Variants in GAS2L2 observed in about 807,000 individuals in gnomAD.
The protein encoded by GAS2L2 is growth arrest specific 2 like 2.
GAS2L2 carries 21 observed loss-of-function variants against 35.2 expected under a neutral mutation model. The ratio of observed to expected loss-of-function variants is 0.60; its 90% CI spans 0.42 to 0.86. The LOEUF is 0.86. Among genes scored for constraint, GAS2L2 ranks in the 40% least tolerant of loss-of-function variants. The pLI is 0.00. For synonymous variants in GAS2L2, 490 were observed against 473.2 expected (o/e 1.04, Z -0.46); for missense variants, 1,169 against 1,144.4 (o/e 1.02, Z -0.31).
chr17:35,750,148 G>C lies in GAS2L2; in HGVS notation c.556C>G (p.Pro186Ala). Residue 186 changes from proline (P) to alanine (A), a missense_variant, in exon 2 of 6, where the codon CCC becomes GCC. Transcript: ENST00000604641. ...EEEVRRELALPPPDPSPPAPP... is the reference protein window; with the variant it reads ...EEEVRRELALAPPDPSPPAPP... ...GCTGGCGGCGAGGGGTCGGGCGGGG[G>C]CAGGGCCAGCTCCCGCCGCACCTCC... 1.2e-6 allele frequency: 2 copies of C among 1,609,414 alleles called. No individual in the cohort carries two copies. Among genetic ancestry groups the C allele is most frequent in the Non-Finnish European group, 1.7e-6 (2 of 1,178,168 alleles).
At position 35,750,262 on chromosome 17, in the gene GAS2L2, C is replaced by T; in HGVS notation, c.442G>A (p.Val148Met). The T allele has an allele frequency of 1.9e-6, 3 of 1,614,074 alleles. No homozygotes were observed. Among genetic ancestry groups the T allele is most frequent in the Non-Finnish European group, 2.5e-6 (3 of 1,179,970 alleles). Residue 148 changes from valine (V) to methionine (M), a missense_variant, in exon 2 of 6, where the codon GTG becomes ATG. Coordinates refer to ENST00000604641, the MANE Select transcript of GAS2L2 (RefSeq NM_139285.4). Reference sequence around the variant, plus strand: ...CGGCCCAGCTCCAGCAAACACAGCACCACGTTCTTCACGTTCTTGCGCAGC... The same window carrying T: ...CGGCCCAGCTCCAGCAAACACAGCATCACGTTCTTCACGTTCTTGCGCAGC... ...LVLRKNVKNV[V>M]LCLLELGRRA...
chr17:35,745,889 G>A lies in GAS2L2; in HGVS notation c.1608C>T (p.Ile536=). The change falls in exon 6 of 6, where the codon ATC becomes ATT. Residue 536 remains isoleucine, a synonymous_variant. Transcript: ENST00000604641. The stretch of plus-strand genomic sequence containing the variant: ...GGTCCACAGTGACGGCCCTTAGTGG[G>A]ATGGGGTCTCTCCCAAGTTCTGTCC... ...SPRTELGRDP[I]PLRAVTVDLA... The A allele has an allele frequency of 1.2e-6, 2 of 1,613,444 alleles. No individual in the cohort carries two copies. The highest frequency in any genetic ancestry group is 8.5e-7 in the Non-Finnish European group (1 of 1,180,018).
Position 35,747,143 on chromosome 17 carries a change from G to C in GAS2L2, c.958C>G (p.Pro320Ala), listed in dbSNP as rs587725999. 53 of 1,613,974 alleles carry C rather than the reference G, an allele frequency of 3.3e-5. No homozygotes were observed. The South Asian group carries it at 3.5e-4, about 11-fold the overall frequency. ...TISRSQSPPPPVDWKTYTSSD... is the reference protein window; with the variant it reads ...TISRSQSPPPAVDWKTYTSSD... ...GAGGTATATGTCTTCCAGTCCACAG[G>C]GGGTGGTGGGCTCTGTGAGCGGCTG... is the stretch of plus-strand genomic sequence containing the variant. The change falls in exon 5 of 6, where the codon CCT becomes GCT. Residue 320 changes from proline to alanine, a missense_variant. Transcript: ENST00000604641.
intron 1 of GAS2L2, 34 bp downstream of exon 1, chr17:35,752,432 A>T: frequency 6.5e-7 from 1 of 1,535,310 alleles, no homozygotes; most frequent in Non-Finnish European, 8.8e-7. Flanking sequence ...CAAGATAAGC[A>T]TCTGGAATGG....
intron 3 of GAS2L2, among the ~76,000 whole-genome samples, chr17:35,748,818 G>A (rs1374446447): frequency 6.6e-6 from 1 of 152,214 alleles, no homozygotes; most frequent in Non-Finnish European, 1.5e-5. Flanking sequence ...AGGAGAGGGA[G>A]GGTGGTGGCT....
chr17:35,749,298 C>T, intron 2 of GAS2L2, 81 bp from the exon 3 acceptor site: 1 of 828,370 alleles, frequency 1.2e-6, no homozygotes, highest in South Asian at 1.5e-5. Flanking sequence ...CCCAGGTCAC[C>T]CCTGAGGTTT....
Position 35,744,959 on chromosome 17 carries a change from T to C in GAS2L2, c.2538A>G (p.Lys846=), listed in dbSNP as rs782330728. 6.8e-6 allele frequency: 11 copies of C among 1,613,974 alleles called. No individual in the cohort carries two copies. In the South Asian group the frequency reaches 1.2e-4, roughly 18 times the overall value. Residue 846 remains lysine (K), a synonymous_variant, in exon 6 of 6, where the codon AAA becomes AAG. Coordinates refer to ENST00000604641, the MANE Select transcript of GAS2L2 (RefSeq NM_139285.4). The stretch of plus-strand genomic sequence containing the variant: ...TGCTCTCCAATGGAGCGGCTGGCTC[T>C]TTCTCCTCCTTTCCTTCCTCCTCCT... ...GEEEEEGKEE[K]EPAAPLESSP... is the part of the protein sequence containing the mutation.
chr17:35,750,967 A>G (rs587699940), intron 1 of GAS2L2, among the ~76,000 whole-genome samples: 1 of 151,924 alleles, frequency 6.6e-6, no homozygotes, highest in East Asian at 2.0e-4. Flanking sequence ...TGTCCGGCAC[A>G]TGCAAGCATT....
Position 35,746,280 on chromosome 17 carries a change from C to A in GAS2L2, c.1217G>T (p.Arg406Ile), listed in dbSNP as rs781966545. 1 of 1,439,324 alleles carries A rather than the reference C, an allele frequency of 6.9e-7. No homozygotes were observed. Among genetic ancestry groups the A allele is most frequent in the South Asian group, 1.9e-5 (1 of 52,986 alleles). The allele number at this position is 1,439,324 out of a possible 1,614,324, so 89.2% of individuals were successfully genotyped here. ...TCCCCTGGGGAGTTCAGGGGGGTAT[C>A]TCTCCTCCCTCTTTCCTGACGAGGT... is the stretch of plus-strand genomic sequence containing the variant. ...QCTSSGKREE[R>I]YPPELPRGRI... is the part of the protein sequence containing the mutation. The change falls in exon 6 of 6, where the codon AGA becomes ATA. Residue 406 changes from arginine (R) to isoleucine (I), a missense_variant. By Grantham distance (97) the Arg-to-Ile change is moderately conservative. This residue lies in a region of GAS2L2 where 1,035 missense variants were observed against 976.5 expected (regional missense o/e 1.06). Coordinates refer to ENST00000604641, the MANE Select transcript of GAS2L2 (RefSeq NM_139285.4).
Position 35,745,207 on chromosome 17 carries a change from TCC to T in GAS2L2, c.2288_2289del (p.Arg763GlnfsTer26), listed in dbSNP as rs2085656873. On this transcript the variant is annotated frameshift_variant, in exon 6 of 6. Coordinates refer to ENST00000604641, the MANE Select transcript of GAS2L2 (RefSeq NM_139285.4). LOFTEE classifies it low-confidence loss of function (END_TRUNC). ...TAGATGGACGGGACCCTCTTGGGCT[TCC>T]GGAGAGTTCTCCTGCCCTTGCTCAG... Reference protein sequence around the residue: ...ACLSKGRRTLRKPKRVPSIYK... With the variant: ...ACLSKGRRTLXKPKRVPSIYK... 8 of 1,607,762 alleles carry T rather than the reference TCC, an allele frequency of 5.0e-6. No individual in the cohort carries two copies. The highest frequency in any genetic ancestry group is 6.8e-6 in the Non-Finnish European group (8 of 1,175,590).
intron 2 of GAS2L2, among the ~76,000 whole-genome samples, chr17:35,749,662 G>A (rs77275977): frequency 0.057 from 8,644 of 152,248 alleles, 306 homozygotes; most frequent in South Asian, 0.16. Flanking sequence ...TAGAAGGTAG[G>A]TGCTGTTACT....
chr17:35,746,911 T>C, intron 5 of GAS2L2, 105 bp downstream of exon 5: 1 of 1,197,172 alleles, frequency 8.4e-7, no homozygotes, highest in Non-Finnish European at 1.1e-6. Flanking sequence ...GGTCTCGGGG[T>C]AGAGGCACTG....
At position 35,752,744 on chromosome 17, in the gene GAS2L2, T is replaced by C. The variant is rs781837401; in HGVS notation, c.107A>G (p.Glu36Gly). The C allele has an allele frequency of 3.1e-6, 5 of 1,613,970 alleles. No homozygotes were observed. Among genetic ancestry groups the C allele is most frequent in the Non-Finnish European group, 4.2e-6 (5 of 1,180,038 alleles). The stretch of plus-strand genomic sequence containing the variant: ...GTCGCGAAGCCACTCAGCCAGGTCT[T>C]CCTTCATGGCCTCCAGGTACTGCTC... ...SSEQYLEAMK[E>G]DLAEWLRDLY... Residue 36 changes from glutamate to glycine, a missense_variant, in exon 1 of 6, where the codon GAA becomes GGA. Around this residue, in one of 3 missense-constraint regions of GAS2L2, gnomAD observed 127 missense variants for 146.1 expected, o/e 0.87. Transcript: ENST00000604641.
chr17:35,746,070 T>C lies in GAS2L2; in HGVS notation c.1427A>G (p.Asp476Gly). The change falls in exon 6 of 6, where the codon GAT becomes GGT. Residue 476 changes from aspartate to glycine, a missense_variant. By Grantham distance (94) the Asp-to-Gly change is moderately conservative (BLOSUM62 -1). Transcript: ENST00000604641. ...ECLGLRLPLR[D>G]EAKGAFFQFR... ...CTGGAAGAACGCACCCTTGGCCTCA[T>C]CCCGGAGTGGCAGCCTGAGGCCCAG... The C allele has an allele frequency of 6.6e-7, 1 of 1,521,200 alleles. No individual in the cohort carries two copies. Among genetic ancestry groups the C allele is most frequent in the South Asian group, 1.3e-5 (1 of 75,786 alleles). 94.2% of individuals were successfully genotyped at this position (1,521,200 alleles called of 1,614,324 possible). A position where few individuals can be genotyped will look rare whatever the true frequency, so the allele number is the denominator to read the frequency against.
At position 35,747,137 on chromosome 17, in the gene GAS2L2, C is replaced by T. The variant is rs782514787; in HGVS notation, c.964G>A (p.Asp322Asn). 76 of 1,613,774 alleles carry T rather than the reference C, an allele frequency of 4.7e-5. No individual in the cohort carries two copies. The highest frequency in any genetic ancestry group is 6.3e-5 in the Non-Finnish European group (74 of 1,179,888). The change falls in exon 5 of 6, where the codon GAC (aspartate) becomes AAC (asparagine). Residue 322 changes from aspartate (D) to asparagine (N), a missense_variant. Transcript: ENST00000604641. Reference protein sequence around the residue: ...SRSQSPPPPVDWKTYTSSDRR... With the variant: ...SRSQSPPPPVNWKTYTSSDRR... Reference sequence around the variant, plus strand: ...TCTGAAGAGGTATATGTCTTCCAGTCCACAGGGGGTGGTGGGCTCTGTGAG... The same window carrying T: ...TCTGAAGAGGTATATGTCTTCCAGTTCACAGGGGGTGGTGGGCTCTGTGAG...
In GAS2L2 at chr17:35,752,638, A is replaced by G. The variant is rs1415515900; in HGVS notation, c.213T>C (p.Val71=). The change falls in exon 1 of 6, where the codon GTT becomes GTC. Residue 71 remains valine (V), a synonymous_variant. Coordinates refer to ENST00000604641, the MANE Select transcript of GAS2L2 (RefSeq NM_139285.4). ...TGLVLCQHAN[V]VTDAALAFLA... ...GGAAGGCCAGGGCAGCGTCAGTGAC[A>G]ACGTTGGCGTGTTGGCACAGCACCA... The G allele has an allele frequency of 6.2e-7, 1 of 1,613,742 alleles. No homozygotes were observed. Among genetic ancestry groups the G allele is most frequent in the South Asian group, 1.1e-5 (1 of 91,084 alleles).
chr17:35,749,726 C>T (rs1423148218), intron 2 of GAS2L2, among the ~76,000 whole-genome samples: 3 of 152,102 alleles, frequency 2.0e-5, no homozygotes, highest in African/African-American at 7.2e-5. Context: ...AATAATTTGC[C>T]CAAAGTCACA....
In GAS2L2 at chr17:35,747,268, G is replaced by A. The variant is rs782181116; in HGVS notation, c.833C>T (p.Ser278Leu). Residue 278 changes from serine (S) to leucine (L), a missense_variant and splice_region_variant, in exon 5 of 6, where the codon TCA (serine) becomes TTA (leucine). Physicochemically the swap from Ser to Leu is moderately radical, Grantham distance 145. Coordinates refer to ENST00000604641, the MANE Select transcript of GAS2L2 (RefSeq NM_139285.4). ...CTTCAGGAAGCTGCCTGGCTTGTGT[G>A]CTACCAACAGTCCCCCGGAGAAAGG... ...KHDPCRCTSLSHKPGSFLKPP... is the reference protein window; with the variant it reads ...KHDPCRCTSLLHKPGSFLKPP... The A allele has an allele frequency of 4.4e-6, 7 of 1,607,066 alleles. No individual in the cohort carries two copies. Among genetic ancestry groups the A allele is most frequent in the South Asian group, 1.1e-5 (1 of 90,522 alleles).
intron 4 of GAS2L2, 81 bp downstream of exon 4, chr17:35,747,768 C>T: frequency 8.8e-7 from 1 of 1,138,488 alleles, no homozygotes; most frequent in South Asian, 1.3e-5. Context: ...GACATACCTC[C>T]CACCTCTGCC....
Sources: allele counts gnomAD v4.1 joint callset (sites outside exome capture counted in the v4.1 genomes callset), GRCh38; gene constraint gnomAD v4.1.1; regional missense constraint gnomAD v4.1.1; transcripts MANE v1.5; gene names NCBI Gene and HGNC (gene_info 2026-07-23, HGNC 2026-07-21).